The following MORF4L1 variants were observed in gnomAD, a reference collection of about 807,000 sequenced individuals.
MORF4L1 encodes mortality factor 4 like 1, also known as mortality factor 4-like protein 1.
A neutral mutation model predicts 52.9 loss-of-function variants in MORF4L1; 4 were observed. That is an observed-to-expected ratio of 0.08 (90% CI 0.04 to 0.17). The LOEUF is 0.17. Among genes scored for constraint, MORF4L1 ranks in the 10% least tolerant of loss-of-function variants. The pLI is 1.00. For synonymous variants in MORF4L1, 123 were observed against 134.8 expected, an observed-to-expected ratio of 0.91 and a Z score of 0.61; for missense variants, 214 against 390.4, an observed-to-expected ratio of 0.55 and a Z score of 3.81.
chr15:78,889,138 A>C (rs1348871246), intron 5 of MORF4L1, among the ~76,000 whole-genome samples: 1 of 152,218 alleles, frequency 6.6e-6, no homozygotes, highest in African/African-American at 2.4e-5. Context: ...CTGAGTAAAT[A>C]TATGAAGTAA....
chr15:78,884,210 A>AAACACAG (rs2056653610), intron 3 of MORF4L1, among the ~76,000 whole-genome samples: 1 of 144,936 alleles, frequency 6.9e-6, no homozygotes, highest in African/African-American at 2.6e-5. Context: ...TCTCAAAAAA[A>AAACACAG]AAAACAAAAA....
In MORF4L1 at chr15:78,891,588, G is replaced by A. The variant is rs769691239; in HGVS notation, c.438+16G>A. On this transcript the variant is annotated intron_variant, in intron 7 of 11. Transcript: ENST00000426013. Reference sequence around the variant, plus strand: ...TGTTGAAAATGTGAGTTTTTCTTGTGTTTATGAATAGCATGTTAGGATTTT... The same window carrying A: ...TGTTGAAAATGTGAGTTTTTCTTGTATTTATGAATAGCATGTTAGGATTTT... 1.3e-6 allele frequency: 2 copies of A among 1,582,070 alleles called. No individual in the cohort carries two copies. Among genetic ancestry groups the A allele is most frequent in the South Asian group, 2.2e-5 (2 of 90,040 alleles).
At chr15:78,885,090 G>T (rs774957617) in intron 3 of MORF4L1, 3 of 1,585,328 alleles carry the variant, frequency 1.9e-6, no homozygotes, top group Middle Eastern at 1.7e-4. Flanking sequence ...CTAGGTAAAT[G>T]CATGTTTTGA....
At chr15:78,882,213 G>A (rs546692839) in intron 3 of MORF4L1, among the ~76,000 whole-genome samples, 14 of 152,306 alleles carry the variant, frequency 9.2e-5, no homozygotes, top group African/African-American at 2.6e-4. Context: ...CTACTTGGAA[G>A]GCTGAGGCAG....
In MORF4L1 at chr15:78,888,424, CTGAG is replaced by C. The variant is rs369151141; in HGVS notation, c.323+1080_323+1083del. ...CAAGGCTGCACTTTAGTCTTGGCGA[CTGAG>C]TGAGATCCTGTCTTTTAAAAAGAAA... is the stretch of plus-strand genomic sequence containing the variant. On this transcript the variant is annotated intron_variant, in intron 5 of 11. Transcript: ENST00000426013. Among the ~76,000 whole-genome samples, 316 of 151,266 alleles carry C rather than the reference CTGAG, an allele frequency of 2.1e-3. 2 individuals are homozygous for C. Among genetic ancestry groups the C allele is most frequent in the African/African-American group, 7.4e-3 (303 of 41,134 alleles).
At chr15:78,885,841 G>A (rs1480768898) in intron 3 of MORF4L1, among the ~76,000 whole-genome samples, 1 of 152,128 alleles carries the variant, frequency 6.6e-6, no homozygotes, top group African/African-American at 2.4e-5. Flanking sequence ...GATAACATAA[G>A]ACTAATCACT....
chr15:78,873,505 G>T (rs1052915674), intron 1 of MORF4L1, among the ~76,000 whole-genome samples: 18 of 152,114 alleles, frequency 1.2e-4, no homozygotes, highest in Non-Finnish European at 2.4e-4. Flanking sequence ...GTGCTTCCTG[G>T]AGCCCCGGGG....
At position 78,884,240 on chromosome 15, in the gene MORF4L1, G is replaced by A. The variant is rs74742334; in HGVS notation, c.156-1901G>A. ...CAAAAAGCTGAAATTCTTGCCAGGC[G>A]CGATGGCTCATGCCTGTAATCCCAG... On this transcript the variant is annotated intron_variant, in intron 3 of 11. Transcript: ENST00000426013. 0.036 allele frequency among the ~76,000 whole-genome samples: 5,511 copies of A among 151,146 alleles called. 546 individuals are homozygous for A. The East Asian group carries it at 0.38, about 10-fold the overall frequency.
At chr15:78,874,371 G>C (rs1179883846) in intron 1 of MORF4L1, among the ~76,000 whole-genome samples, 2 of 151,890 alleles carry the variant, frequency 1.3e-5, no homozygotes. Flanking sequence ...TTTTGTTAAT[G>C]AGTGACTTTT....
At chr15:78,886,359 T>TTACA in intron 4 of MORF4L1, 132 bp downstream of exon 4, 1 of 789,138 alleles carries the variant, frequency 1.3e-6, no homozygotes, top group South Asian at 1.6e-5. Context: ...AGCTGCTGTG[T>TTACA]TACAGCTTTG....
intron 3 of MORF4L1, among the ~76,000 whole-genome samples, chr15:78,881,278 C>T (rs529696594): frequency 1.4e-5 from 2 of 143,372 alleles, no homozygotes; most frequent in African/African-American, 2.6e-5. Flanking sequence ...TCACTGCAAC[C>T]TCCGCCTCAG....
At chr15:78,876,735 T>C (rs1361222859) in intron 1 of MORF4L1, 1 of 340,730 alleles carries the variant, frequency 2.9e-6, no homozygotes, top group Non-Finnish European at 5.9e-6. Context: ...TCTTTGATCT[T>C]CCCGTTTTCC....
At chr15:78,876,094 C>T (rs1297555673) in intron 1 of MORF4L1, among the ~76,000 whole-genome samples, 2 of 151,754 alleles carry the variant, frequency 1.3e-5, no homozygotes, top group Non-Finnish European at 1.5e-5. Flanking sequence ...CGCGCCACCA[C>T]GCCCAGCTAA....
intron 7 of MORF4L1, 31 bp downstream of exon 7, chr15:78,891,603 GT>G: frequency 6.5e-7 from 1 of 1,536,456 alleles, no homozygotes; most frequent in Non-Finnish European, 9.0e-7. Flanking sequence ...TGAATAGCAT[GT>G]TAGGATTTTT....
Position 78,897,087 on chromosome 15 carries a change from A to T in MORF4L1, c.*20A>T. ...GTGTGAGAGGCACTCTCACTCACTTATGTTTGGATCTCCGTAAACACATTT... is the reference window on the plus strand; with the variant it reads ...GTGTGAGAGGCACTCTCACTCACTTTTGTTTGGATCTCCGTAAACACATTT... On this transcript the variant is annotated 3_prime_UTR_variant, in exon 12 of 12. Transcript: ENST00000426013. The T allele has an allele frequency of 5.7e-6, 9 of 1,585,332 alleles. No homozygotes were observed. The highest frequency in any genetic ancestry group is 7.8e-6 in the Non-Finnish European group (9 of 1,155,774).
intron 7 of MORF4L1, 89 bp from the exon 8 acceptor site, chr15:78,892,123 C>A: frequency 8.1e-4 from 532 of 656,222 alleles, no homozygotes; most frequent in East Asian, 1.1e-3. Context: ...TAAGATTTAT[C>A]CCTAGTGCCT....
chr15:78,873,984 T>C (rs1335154828), intron 1 of MORF4L1: 1 of 152,256 alleles, frequency 6.6e-6, no homozygotes, highest in Non-Finnish European at 1.5e-5. Flanking sequence ...TTGCAGTGTT[T>C]AACAATGACT....
intron 4 of MORF4L1, 96 bp from the exon 5 acceptor site, chr15:78,887,173 G>C: frequency 9.5e-7 from 1 of 1,051,046 alleles, no homozygotes; most frequent in Non-Finnish European, 1.4e-6. Context: ...CTTGTTGCCA[G>C]AATTTGAATG....
intron 5 of MORF4L1, among the ~76,000 whole-genome samples, chr15:78,889,258 C>T (rs1471225853): frequency 1.3e-5 from 2 of 152,192 alleles, no homozygotes; most frequent in Non-Finnish European, 2.9e-5. Flanking sequence ...GAATGTCAAG[C>T]TCTTACTACT....
Sources: allele counts gnomAD v4.1 joint callset (sites outside exome capture counted in the v4.1 genomes callset), GRCh38; gene constraint gnomAD v4.1.1; transcripts MANE v1.5; gene names NCBI Gene and HGNC (gene_info 2026-07-23, HGNC 2026-07-21).